The following HDAC9 variants were observed in gnomAD, a reference collection of about 807,000 sequenced individuals.
HDAC9 encodes histone deacetylase 9.
In HDAC9, 41 loss-of-function variants were observed where a neutral mutation model predicts 139.4. That is an observed-to-expected ratio of 0.29 (90% CI 0.23 to 0.38). The LOEUF (loss-of-function observed/expected upper bound fraction) is 0.38. Among genes scored for constraint, HDAC9 ranks in the 10% least tolerant of loss-of-function variants. HDAC9 has a pLI of 1.00. For missense variants in HDAC9, 1,147 were observed against 1,297.0 expected (o/e 0.88, Z 1.78); for synonymous variants, 517 against 476.2 (o/e 1.09, Z -1.12).
At chr7:18,268,229 C>T (rs1035074040) in intron 2 of HDAC9, among the ~76,000 whole-genome samples, 9 of 151,968 alleles carry the variant, frequency 5.9e-5, no homozygotes, top group African/African-American at 1.2e-4. Flanking sequence ...GTGTATTTTG[C>T]AGCTATTTTC....
intron 12 of HDAC9, chr7:18,668,396 T>G (rs1795408716): frequency 1.1e-6 from 1 of 929,508 alleles, no homozygotes. Context: ...TCATAAATAT[T>G]CATTTTCTTC....
At chr7:18,390,489 C>T (rs1786373441) in intron 1 of HDAC9, among the ~76,000 whole-genome samples, 1 of 152,108 alleles carries the variant, frequency 6.6e-6, no homozygotes, top group Non-Finnish European at 1.5e-5. Flanking sequence ...CATCCTAGAC[C>T]AGGCCACTTT....
intron 1 of HDAC9, among the ~76,000 whole-genome samples, chr7:18,314,412 G>A (rs1430241070): frequency 1.3e-5 from 2 of 152,210 alleles, no homozygotes; most frequent in Non-Finnish European, 2.9e-5. Context: ...TTATAAATTA[G>A]ACTGGACTTG....
intron 6 of HDAC9, among the ~76,000 whole-genome samples, chr7:18,622,870 A>T (rs939930114): frequency 2.0e-5 from 3 of 151,894 alleles, no homozygotes; most frequent in African/African-American, 7.2e-5. Context: ...GAGGCCGGGT[A>T]CAGTGGCTCA....
intron 2 of HDAC9, among the ~76,000 whole-genome samples, chr7:18,242,751 C>T (rs1794266690): frequency 6.6e-6 from 1 of 152,150 alleles, no homozygotes; most frequent in African/African-American, 2.4e-5. Context: ...TCAGGTGCTT[C>T]TCTCACATTT....
chr7:18,442,341 G>A (rs1436976508), intron 1 of HDAC9, among the ~76,000 whole-genome samples: 2 of 151,992 alleles, frequency 1.3e-5, no homozygotes, highest in East Asian at 3.9e-4. Context: ...TTTTGTTGTA[G>A]CCTTAAGATT....
At chr7:18,592,635 T>C (rs1182034956) in intron 5 of HDAC9, among the ~76,000 whole-genome samples, 2 of 152,136 alleles carry the variant, frequency 1.3e-5, no homozygotes, top group Admixed American at 1.3e-4. Context: ...CTTATAAGGC[T>C]ATTTTATAGG....
At chr7:18,449,011 C>T (rs187511452) in intron 1 of HDAC9, among the ~76,000 whole-genome samples, 57 of 152,148 alleles carry the variant, frequency 3.7e-4, no homozygotes, top group Non-Finnish European at 6.9e-4. Context: ...AAAACTGAAG[C>T]CTGTGATATA....
At chr7:18,469,323 G>A (rs1388512667) in intron 1 of HDAC9, among the ~76,000 whole-genome samples, 1 of 152,014 alleles carries the variant, frequency 6.6e-6, no homozygotes, top group Non-Finnish European at 1.5e-5. Context: ...GTCAAATATG[G>A]GAACTTTATA....
At chr7:18,605,644 T>G (rs1305735962) in intron 6 of HDAC9, among the ~76,000 whole-genome samples, 2 of 151,888 alleles carry the variant, frequency 1.3e-5, no homozygotes, top group Non-Finnish European at 2.9e-5. Context: ...CCCATGAAAA[T>G]GTAGGATTCT....
chr7:18,267,304 C>G (rs1335166791), intron 2 of HDAC9, among the ~76,000 whole-genome samples: 2 of 152,026 alleles, frequency 1.3e-5, no homozygotes, highest in Non-Finnish European at 2.9e-5. Context: ...GGCGAGAACA[C>G]TTAGGAATAT....
intron 1 of HDAC9, among the ~76,000 whole-genome samples, chr7:18,386,620 A>G (rs536508971): frequency 3.9e-5 from 6 of 152,276 alleles, no homozygotes; most frequent in African/African-American, 1.4e-4. Context: ...CGCATGTAAC[A>G]TTACACTCTA....
At chr7:18,273,743 A>G (rs542519940) in intron 2 of HDAC9, among the ~76,000 whole-genome samples, 6 of 152,346 alleles carry the variant, frequency 3.9e-5, no homozygotes, top group African/African-American at 1.4e-4. Context: ...AAGAATTAGC[A>G]TTCAGAATAC....
rs909693039 is a variant in HDAC9, at chr7:18,702,384, G to A, written c.1732-25196G>A. Among the ~76,000 whole-genome samples the A allele has an allele frequency of 2.6e-5, 4 of 152,184 alleles. 1 individual carries two copies. Among genetic ancestry groups the A allele is most frequent in the South Asian group, 4.1e-4 (2 of 4,828 alleles). Reference sequence around the variant, plus strand: ...TGGATTTATGGACGCACTGGTGTCCGCAGCACCTCCAGAGAGTGGATGGAG... The same window carrying A: ...TGGATTTATGGACGCACTGGTGTCCACAGCACCTCCAGAGAGTGGATGGAG... On this transcript the variant is annotated intron_variant, in intron 12 of 25. Transcript: ENST00000686413.
chr7:18,215,490 TGTG>T (rs1205212171), intron 2 of HDAC9, among the ~76,000 whole-genome samples: 1 of 152,220 alleles, frequency 6.6e-6, no homozygotes, highest in Non-Finnish European at 1.5e-5. Context: ...TTTATGCTAA[TGTG>T]GGTAAATTGT....
intron 2 of HDAC9, among the ~76,000 whole-genome samples, chr7:18,537,647 C>T (rs1412536607): frequency 6.6e-6 from 1 of 152,018 alleles, no homozygotes; most frequent in East Asian, 1.9e-4. Flanking sequence ...CAGAAGTAAC[C>T]TTAAGGTTCT....
intron 6 of HDAC9, among the ~76,000 whole-genome samples, chr7:18,625,405 G>A (rs1584293835): frequency 1.3e-5 from 2 of 152,020 alleles, no homozygotes; most frequent in South Asian, 2.1e-4. Context: ...CTCATACTTC[G>A]CACTATTAAC....
Position 18,950,297 on chromosome 7 carries a change from G to T in HDAC9, c.2938-3849G>T, listed in dbSNP as rs143869580. ...GCATTTCTGATCTATAGAAATATCTGCCTGCATGTCAGGAAACCTTGCCAA... is the reference window on the plus strand; with the variant it reads ...GCATTTCTGATCTATAGAAATATCTTCCTGCATGTCAGGAAACCTTGCCAA... On this transcript the variant is annotated intron_variant, in intron 23 of 25. Coordinates refer to ENST00000686413, the MANE Select transcript of HDAC9 (RefSeq NM_178425.4). Among the ~76,000 whole-genome samples the T allele has an allele frequency of 2.7e-3, 412 of 152,088 alleles. 5 individuals are homozygous for T. Among genetic ancestry groups the T allele is most frequent in the African/African-American group, 9.7e-3 (402 of 41,510 alleles).
At chr7:18,646,151 C>T (rs1043989473) in intron 9 of HDAC9, among the ~76,000 whole-genome samples, 4 of 152,138 alleles carry the variant, frequency 2.6e-5, no homozygotes, top group Admixed American at 2.6e-4. Flanking sequence ...TTTTCCTTCT[C>T]TATTTCCTGT....
Sources: gnomAD v4.1 joint callset for allele counts (sites outside exome capture counted in the v4.1 genomes callset) on GRCh38, gnomAD v4.1.1 for gene constraint, MANE v1.5 for transcripts, NCBI Gene and HGNC (gene_info 2026-07-23, HGNC 2026-07-21) for gene names.